The following PTCD2 variants were observed in gnomAD, a reference collection of about 807,000 sequenced individuals.
PTCD2 encodes pentatricopeptide repeat-containing protein 2, mitochondrial.
In PTCD2, 31 loss-of-function variants were observed where a neutral mutation model predicts 42.6. The ratio of observed to expected loss-of-function variants is 0.73; its 90% CI spans 0.55 to 0.98. The LOEUF (loss-of-function observed/expected upper bound fraction) is 0.98, where lower values mean the gene tolerates loss of function less well. Ranked by LOEUF, PTCD2 falls within the 50% of genes least tolerant of loss-of-function variation. The probability of loss-of-function intolerance (pLI) is 0.00; values close to 1 mark genes in which losing one functional copy is unlikely to be tolerated. For missense variants in PTCD2, 476 were observed against 454.8 expected, an observed-to-expected ratio of 1.05 and a Z score of -0.42; for synonymous variants, 183 against 170.9, an observed-to-expected ratio of 1.07 and a Z score of -0.55.
chr5:72,349,826 T>C (rs73102445), intron 8 of PTCD2, among the ~76,000 whole-genome samples: 2,516 of 152,348 alleles, frequency 0.017, 77 homozygotes, highest in African/African-American at 0.055. Context: ...CTTTGCCTTT[T>C]ATCGGTGACT....
In PTCD2 at chr5:72,364,923, C is replaced by CGGTTCCA. The variant is rs1753167889; in HGVS notation, c.*6500_*6506dup. 6.6e-6 allele frequency: 1 copy of CGGTTCCA among 152,244 alleles called. No homozygotes were observed. Among genetic ancestry groups the CGGTTCCA allele is most frequent in the South Asian group, 2.1e-4 (1 of 4,830 alleles). The allele number at this position is 152,244 out of a possible 1,614,324, so 9.4% of individuals were successfully genotyped here. A position where few individuals can be genotyped will look rare whatever the true frequency, so the allele number is the denominator to read the frequency against. On this transcript the variant is annotated 3_prime_UTR_variant, in exon 10 of 10. Transcript: ENST00000380639. ...TTGGGGGAGTAGGCGGTGGGCACAA[C>CGGTTCCA]GGTTCCAGGTGACTTTCAAGTTGCT...
At chr5:72,345,593 A>G (rs1394224923) in intron 8 of PTCD2, among the ~76,000 whole-genome samples, 10 of 152,252 alleles carry the variant, frequency 6.6e-5, no homozygotes. Flanking sequence ...GGCATAAGAA[A>G]TTATAAACGT....
rs1561402341 is a variant in PTCD2, at chr5:72,359,937, G to A, written c.*1510G>A. ...TCAGTTTCCTCATTTGGTAAATGGGGATAATGGTACCGACCTCTTAGGCTT... is the reference window on the plus strand; with the variant it reads ...TCAGTTTCCTCATTTGGTAAATGGGAATAATGGTACCGACCTCTTAGGCTT... On this transcript the variant is annotated 3_prime_UTR_variant, in exon 10 of 10. Transcript: ENST00000380639. The A allele has an allele frequency of 6.6e-6, 1 of 152,048 alleles. No homozygotes were observed. Among genetic ancestry groups the A allele is most frequent in the African/African-American group, 2.4e-5 (1 of 41,404 alleles). 9.4% of individuals were successfully genotyped at this position (152,048 alleles called of 1,614,324 possible). A position where few individuals can be genotyped will look rare whatever the true frequency, so the allele number is the denominator to read the frequency against.
Position 72,334,970 on chromosome 5 carries a change from A to G in PTCD2, c.469-48A>G, listed in dbSNP as rs758750900. 1.6e-5 allele frequency: 19 copies of G among 1,172,752 alleles called. 1 individual carries two copies. In the South Asian group the frequency reaches 2.2e-4, roughly 14 times the overall value. The allele number at this position is 1,172,752 out of a possible 1,614,324, so 72.6% of individuals were successfully genotyped here. ...AAGAGACAGTAAAAGTACCTCCTCA[A>G]TAAATAGTTTTAACTTTTAACCAAA... is the stretch of plus-strand genomic sequence containing the variant. On this transcript the variant is annotated intron_variant, in intron 4 of 9. Transcript: ENST00000380639.
At chr5:72,357,061 T>A (rs1424695345) in intron 9 of PTCD2, among the ~76,000 whole-genome samples, 1 of 152,190 alleles carries the variant, frequency 6.6e-6, no homozygotes, top group Non-Finnish European at 1.5e-5. Flanking sequence ...TTAAATACCA[T>A]CATATACTTG....
At position 72,362,978 on chromosome 5, in the gene PTCD2, T is replaced by C. The variant is rs1283542338; in HGVS notation, c.*4551T>C. ...CAGGAAATAAATACAAACTTTTAAC[T>C]ACTCATAATGAATATTGTTGGGATA... On this transcript the variant is annotated 3_prime_UTR_variant, in exon 10 of 10. Coordinates refer to ENST00000380639, the MANE Select transcript of PTCD2 (RefSeq NM_024754.5). 2 of 152,218 alleles carry C rather than the reference T, an allele frequency of 1.3e-5. No individual in the cohort carries two copies. The highest frequency in any genetic ancestry group is 2.9e-5 in the Non-Finnish European group (2 of 68,048). 9.4% of individuals were successfully genotyped at this position (152,218 alleles called of 1,614,324 possible). A position where few individuals can be genotyped will look rare whatever the true frequency, so the allele number is the denominator to read the frequency against.
chr5:72,350,077 A>C (rs1253166107), intron 8 of PTCD2, among the ~76,000 whole-genome samples: 1 of 152,236 alleles, frequency 6.6e-6, no homozygotes, highest in Non-Finnish European at 1.5e-5. Context: ...AGGGCTGGCC[A>C]GTTGCCTTGT....
At chr5:72,326,939 T>C (rs563037818) in intron 3 of PTCD2, among the ~76,000 whole-genome samples, 198 bp downstream of exon 3, 1 of 152,222 alleles carries the variant, frequency 6.6e-6, no homozygotes, top group East Asian at 1.9e-4. Flanking sequence ...TCCTACTATA[T>C]GCTGGGTGCT....
rs1001685766 is a variant in PTCD2 at position 72,363,932 on chromosome 5, A to G, written c.*5505A>G. ...TTGATTCAGAGAAATTACACTTCAT[A>G]GATAAACTAGCCATAAAAAAGATTA... is the stretch of plus-strand genomic sequence containing the variant. On this transcript the variant is annotated 3_prime_UTR_variant, in exon 10 of 10. Coordinates refer to ENST00000380639, the MANE Select transcript of PTCD2 (RefSeq NM_024754.5). The G allele has an allele frequency of 2.0e-5, 3 of 152,222 alleles. No individual in the cohort carries two copies. Among genetic ancestry groups the G allele is most frequent in the Non-Finnish European group, 2.9e-5 (2 of 68,030 alleles). 9.4% of individuals were successfully genotyped at this position (152,222 alleles called of 1,614,324 possible).
rs1753051051 is a variant in PTCD2, at chr5:72,359,839, A to T, written c.*1412A>T. 6.6e-6 allele frequency: 1 copy of T among 152,038 alleles called. No homozygotes were observed. The highest frequency in any genetic ancestry group is 2.1e-4 in the South Asian group (1 of 4,824). 9.4% of individuals were successfully genotyped at this position (152,038 alleles called of 1,614,324 possible). On this transcript the variant is annotated 3_prime_UTR_variant, in exon 10 of 10. Transcript: ENST00000380639. The stretch of plus-strand genomic sequence containing the variant: ...CCACTGTACCACATTATCTCTTTTC[A>T]GAGGGGAAAAAGGAGCAGCTCTTAA...
intron 2 of PTCD2, among the ~76,000 whole-genome samples, chr5:72,322,568 G>A (rs1309477333): frequency 2.0e-5 from 3 of 152,194 alleles, no homozygotes; most frequent in African/African-American, 7.2e-5. Context: ...AGCGGCATCA[G>A]CATCTATTGG....
chr5:72,345,883 GA>G (rs1752334982), intron 8 of PTCD2, among the ~76,000 whole-genome samples: 1 of 152,192 alleles, frequency 6.6e-6, no homozygotes, highest in African/African-American at 2.4e-5. Context: ...AGAACCTAGT[GA>G]ATAGGAATTA....
At chr5:72,340,013 T>C (rs1398861608) in intron 7 of PTCD2, among the ~76,000 whole-genome samples, 1 of 152,224 alleles carries the variant, frequency 6.6e-6, no homozygotes, top group East Asian at 1.9e-4. Flanking sequence ...TAAATTTCTG[T>C]GTTGCTTTAT....
At chr5:72,326,792 C>G (rs762824745) in intron 3 of PTCD2, 51 bp downstream of exon 3, 13 of 1,581,750 alleles carry the variant, frequency 8.2e-6, no homozygotes, top group Non-Finnish European at 1.0e-5. Flanking sequence ...TTACTCTGTT[C>G]CTTTCTATGA....
intron 4 of PTCD2, among the ~76,000 whole-genome samples, chr5:72,333,254 T>G (rs770477297): frequency 8.5e-5 from 13 of 152,200 alleles, no homozygotes; most frequent in South Asian, 4.1e-4. Context: ...CATTCTGCAT[T>G]CTTATCCTTG....
intron 3 of PTCD2, 78 bp from the exon 4 acceptor site, chr5:72,331,180 A>G: frequency 1.1e-6 from 1 of 913,432 alleles, no homozygotes; most frequent in Non-Finnish European, 1.8e-6. Context: ...AGTACCTGGC[A>G]CAGTACCTGC....
chr5:72,343,972 C>A (rs1039105709), intron 8 of PTCD2, among the ~76,000 whole-genome samples: 4 of 152,098 alleles, frequency 2.6e-5, no homozygotes, highest in Admixed American at 2.6e-4. Context: ...AAAACATTTT[C>A]AGAAAAATGG....
In PTCD2 at chr5:72,335,647, C is replaced by T. The variant is rs1751698301; in HGVS notation, c.548-147C>T. On this transcript the variant is annotated intron_variant, in intron 5 of 9. Coordinates refer to ENST00000380639, the MANE Select transcript of PTCD2 (RefSeq NM_024754.5). ...TGTTTGACTTGATAGTTTATTTCAA[C>T]ATTTAGTTAATTGCTAAATGACTTT... 4 of 500,520 alleles carry T rather than the reference C, an allele frequency of 8.0e-6. No homozygotes were observed. The East Asian group carries it at 1.2e-4, about 16-fold the overall frequency. The allele number at this position is 500,520 out of a possible 1,614,324, so 31.0% of individuals were successfully genotyped here.
At chr5:72,328,470 C>T (rs150482177) in intron 3 of PTCD2, among the ~76,000 whole-genome samples, 4 of 152,336 alleles carry the variant, frequency 2.6e-5, no homozygotes, top group Admixed American at 6.5e-5. Flanking sequence ...AGGCAAGTTG[C>T]CTGGCCAGAC....
Sources: gnomAD v4.1 joint callset for allele counts (sites outside exome capture counted in the v4.1 genomes callset) on GRCh38, gnomAD v4.1.1 for gene constraint, MANE v1.5 for transcripts, NCBI Gene and HGNC (gene_info 2026-07-23, HGNC 2026-07-21) for gene names.